The following DPP6 variants were observed in gnomAD, a reference collection of about 807,000 sequenced individuals.
DPP6 encodes dipeptidyl peptidase like 6, also known as A-type potassium channel modulatory protein DPP6.
Under a neutral mutation model 122.6 loss-of-function variants are expected in DPP6, and 69 were observed. The ratio of observed to expected loss-of-function variants is 0.56; its 90% confidence interval spans 0.46 to 0.69. The LOEUF (loss-of-function observed/expected upper bound fraction) is 0.69, where lower values mean the gene tolerates loss of function less well. Among genes scored for constraint, DPP6 ranks in the 30% least tolerant of loss-of-function variants. The pLI is 0.00. For missense variants in DPP6, 928 were observed against 1,116.9 expected (o/e 0.83, Z 2.41); for synonymous variants, 418 against 433.1 (o/e 0.97, Z 0.43).
At chr7:154,466,954 CAG>C (rs1416069338) in intron 2 of DPP6, among the ~76,000 whole-genome samples, 2 of 152,186 alleles carry the variant, frequency 1.3e-5, no homozygotes, top group African/African-American at 4.8e-5. Flanking sequence ...GAGTAGGCCT[CAG>C]GGCATACTCC....
chr7:154,192,093 T>A (rs185799096), intron 1 of DPP6, among the ~76,000 whole-genome samples: 47 of 152,274 alleles, frequency 3.1e-4, no homozygotes, highest in Non-Finnish European at 5.9e-5. Context: ...GCTGCACGAG[T>A]GATGAAAGTG....
intron 19 of DPP6, among the ~76,000 whole-genome samples, chr7:154,874,869 C>T (rs1240341291): frequency 2.0e-5 from 3 of 152,236 alleles, no homozygotes; most frequent in Non-Finnish European, 4.4e-5. Flanking sequence ...AACAACCAGT[C>T]CTGCATAGAA....
intron 1 of DPP6, among the ~76,000 whole-genome samples, chr7:154,332,470 G>C (rs4726408): frequency 6.6e-6 from 1 of 152,130 alleles, no homozygotes; most frequent in Admixed American, 6.5e-5. Flanking sequence ...GAGATCCCGC[G>C]TCTCTCACGG....
intron 1 of DPP6, among the ~76,000 whole-genome samples, chr7:154,117,529 A>G (rs937511695): frequency 6.6e-6 from 1 of 152,208 alleles, no homozygotes; most frequent in Non-Finnish European, 1.5e-5. Flanking sequence ...TGACAATGCG[A>G]TGCAGATTTC....
intron 1 of DPP6, among the ~76,000 whole-genome samples, chr7:154,298,463 C>T (rs1805688953): frequency 6.6e-6 from 1 of 152,178 alleles, no homozygotes; most frequent in African/African-American, 2.4e-5. Context: ...CGATGTGTGC[C>T]TGTGCTCTTA....
At chr7:154,677,266 A>G (rs916514) in intron 7 of DPP6, among the ~76,000 whole-genome samples, 18,414 of 152,126 alleles carry the variant, frequency 0.12, 1,208 homozygotes, top group African/African-American at 0.16. Flanking sequence ...AGAGAGCGTG[A>G]GCCTTCCTTT....
chr7:154,257,444 C>T (rs1472457462), intron 1 of DPP6, among the ~76,000 whole-genome samples: 5 of 152,046 alleles, frequency 3.3e-5, no homozygotes, highest in Non-Finnish European at 4.4e-5. Context: ...CCTGTAATCC[C>T]AGCACTTTGG....
chr7:154,080,617 G>C (rs1312305606), intron 1 of DPP6, among the ~76,000 whole-genome samples: 3 of 152,170 alleles, frequency 2.0e-5, no homozygotes, highest in Admixed American at 2.0e-4. Flanking sequence ...AGAGTGCAGA[G>C]ATCTACCTGT....
At chr7:154,412,196 ATC>A (rs1816661662) in intron 1 of DPP6, among the ~76,000 whole-genome samples, 1 of 151,902 alleles carries the variant, frequency 6.6e-6, no homozygotes, top group African/African-American at 2.4e-5. Flanking sequence ...CCACCTCCTA[ATC>A]TTGGGGGTTA....
chr7:154,058,286 T>G (rs1376045169), intron 1 of DPP6: 5 of 143,390 alleles, frequency 3.5e-5, no homozygotes, highest in Non-Finnish European at 6.1e-5. Flanking sequence ...GAGCCCCTCT[T>G]CCCCCCTTTG....
intron 5 of DPP6, among the ~76,000 whole-genome samples, chr7:154,585,538 C>T (rs1047940961): frequency 6.6e-6 from 1 of 152,196 alleles, no homozygotes; most frequent in African/African-American, 2.4e-5. Flanking sequence ...GAGTGGTTAC[C>T]AGAACCCCCG....
chr7:154,846,119 TA>T (rs1284242715), intron 16 of DPP6, among the ~76,000 whole-genome samples: 1 of 152,166 alleles, frequency 6.6e-6, no homozygotes, highest in Non-Finnish European at 1.5e-5. Flanking sequence ...GGACATTTTT[TA>T]GTTATGCAAA....
At chr7:154,623,643 GCGCACACA>G (rs1182841387) in intron 5 of DPP6, among the ~76,000 whole-genome samples, 2 of 59,670 alleles carry the variant, frequency 3.4e-5, no homozygotes, top group East Asian at 7.3e-4. Context: ...GTGCACACAC[GCGCACACA>G]CGCGCACACA....
chr7:154,674,403 A>T (rs1025664168), intron 7 of DPP6, among the ~76,000 whole-genome samples: 1 of 152,144 alleles, frequency 6.6e-6, no homozygotes, highest in Non-Finnish European at 1.5e-5. Flanking sequence ...ATGCACTTGG[A>T]GTTGAAGCTG....
chr7:153,859,310 TA>T, the DPP6 span, among the ~76,000 whole-genome samples: 1 of 152,104 alleles, frequency 6.6e-6, no homozygotes, highest in Non-Finnish European at 1.5e-5. Flanking sequence ...CACATGCAAC[TA>T]AAACTCAAGA....
At chr7:153,782,541 T>G in the DPP6 span, among the ~76,000 whole-genome samples, 2 of 152,126 alleles carry the variant, frequency 1.3e-5, no homozygotes, top group African/African-American at 4.8e-5. Flanking sequence ...CCCCTTAGCG[T>G]GTGGGCCCTT....
In DPP6 at chr7:154,861,581, G is replaced by T. The variant is rs117514107; in HGVS notation, c.1715-6414G>T. 3.0e-3 allele frequency among the ~76,000 whole-genome samples: 457 copies of T among 152,088 alleles called. 2 individuals carry two copies. Among genetic ancestry groups the T allele is most frequent in the Middle Eastern group, 6.8e-3 (2 of 294 alleles). On this transcript the variant is annotated intron_variant, in intron 17 of 25. Transcript: ENST00000377770. Reference sequence around the variant, plus strand: ...TAAAGGTCTTTTCTTTTTAACTTCCGGTGACCATAAGGCCATAATCATTAC... The same window carrying T: ...TAAAGGTCTTTTCTTTTTAACTTCCTGTGACCATAAGGCCATAATCATTAC...
At chr7:154,857,007 A>G (rs893161567) in intron 17 of DPP6, among the ~76,000 whole-genome samples, 1 of 152,124 alleles carries the variant, frequency 6.6e-6, no homozygotes, top group African/African-American at 2.4e-5. Context: ...TTTTGGTCAC[A>G]TTTATTTTAC....
At chr7:154,033,751 G>A (rs367803754) in intron 1 of DPP6, among the ~76,000 whole-genome samples, 1 of 152,292 alleles carries the variant, frequency 6.6e-6, no homozygotes, top group East Asian at 1.9e-4. Flanking sequence ...CACAGTTCTT[G>A]TTTGGAAACC....
Sources: allele counts gnomAD v4.1 joint callset (sites outside exome capture counted in the v4.1 genomes callset), GRCh38; gene constraint gnomAD v4.1.1; transcripts MANE v1.5; gene names NCBI Gene and HGNC (gene_info 2026-07-23, HGNC 2026-07-21).